The following CCNO variants were observed in gnomAD, a reference collection of about 807,000 sequenced individuals.
The protein encoded by CCNO is cyclin-O.
CCNO carries 24 observed loss-of-function variants against 23.9 expected under a neutral mutation model. That is an observed-to-expected ratio of 1.00 (90% CI 0.73 to 1.41). CCNO has a LOEUF of 1.41. CCNO is among the 40% of genes most tolerant of loss of function. CCNO has a pLI of 0.00. For synonymous variants in CCNO, 241 were observed against 225.7 expected (o/e 1.07, Z -0.61); for missense variants, 542 against 476.2 (o/e 1.14, Z -1.29).
chr5:55,232,978 A>C (rs1343457117), intron 1 of CCNO, 165 bp downstream of exon 1: 2 of 716,764 alleles, frequency 2.8e-6, no homozygotes, highest in Non-Finnish European at 4.5e-6. Context: ...TCCATCTGTA[A>C]AATGAGGCCG....
rs1745647423 is a variant in CCNO at position 55,233,196 on chromosome 5, T to TG, written c.327dup (p.Lys110GlnfsTer26). 6.4e-7 allele frequency: 1 copy of TG among 1,556,222 alleles called. No individual in the cohort carries two copies. The highest frequency in any genetic ancestry group is 8.7e-7 in the Non-Finnish European group (1 of 1,151,420). On this transcript the variant is annotated frameshift_variant, in exon 1 of 3. Transcript: ENST00000282572. LOFTEE classifies it high-confidence loss of function. The stretch of plus-strand genomic sequence containing the variant: ...GGGTGGAAGTGGCTCTCCTGCGCCT[T>TG]GCGGAAGGCGTAGCAGCTCTGGCCG...
At position 55,231,488 on chromosome 5, in the gene CCNO, C is replaced by T. The variant is rs114088695; in HGVS notation, c.940G>A (p.Glu314Lys). The T allele has an allele frequency of 6.2e-4, 1,007 of 1,614,034 alleles. 9 individuals carry two copies. In the African/African-American group the frequency reaches 0.012, roughly 19 times the overall value. The part of the protein sequence containing the change: ...RLGDHPEAAL[E>K]DCMGKLQLLV... Reference sequence around the variant, plus strand: ...AGCTGCAACTTGCCCATACAGTCCTCCAGCGCCGCCTCCGGGTGGTCTCCC... The same window carrying T: ...AGCTGCAACTTGCCCATACAGTCCTTCAGCGCCGCCTCCGGGTGGTCTCCC... Residue 314 changes from glutamate to lysine, a missense_variant, in exon 3 of 3, where the codon GAG becomes AAG. Glu to Lys is a moderately conservative substitution (Grantham distance 56, BLOSUM62 1). Transcript: ENST00000282572.
In CCNO at chr5:55,233,534, G is replaced by C. The variant is rs763376831; in HGVS notation, c.-11C>G. 1.1e-5 allele frequency: 17 copies of C among 1,538,196 alleles called. No individual in the cohort carries two copies. Among genetic ancestry groups the C allele is most frequent in the South Asian group, 2.4e-5 (2 of 83,176 alleles). ...ACAGGGGGTCACCATGATGCGGCCG[G>C]GTGGCCGCTTTACTACCTTCAACGC... On this transcript the variant is annotated 5_prime_UTR_variant, in exon 1 of 3. Coordinates refer to ENST00000282572, the MANE Select transcript of CCNO (RefSeq NM_021147.5).
Position 55,233,528 on chromosome 5 carries a change from C to T in CCNO, c.-5G>A. 1.3e-6 allele frequency: 2 copies of T among 1,545,156 alleles called. No homozygotes were observed. On this transcript the variant is annotated 5_prime_UTR_variant, in exon 1 of 3. Coordinates refer to ENST00000282572, the MANE Select transcript of CCNO (RefSeq NM_021147.5). ...GGTGGGACAGGGGGTCACCATGATG[C>T]GGCCGGGTGGCCGCTTTACTACCTT...
chr5:55,231,582 GAGGGA>G lies in CCNO; in HGVS notation c.841_845del (p.Ser281ProfsTer88). The G allele has an allele frequency of 6.2e-7, 1 of 1,613,432 alleles. No individual in the cohort carries two copies. The highest frequency in any genetic ancestry group is 2.2e-5 in the East Asian group (1 of 44,882). ...CCAGCGCCAGGCAGCAGATCGCCAGGAGGGAAGGGGAGTAGCTGGTGAAGGCATAG... is the reference window on the plus strand; with the variant it reads ...CCAGCGCCAGGCAGCAGATCGCCAGGAGGGGAGTAGCTGGTGAAGGCATAG... On this transcript the variant is annotated frameshift_variant, in exon 3 of 3. Transcript: ENST00000282572. LOFTEE classifies it high-confidence loss of function.
Position 55,233,515 on chromosome 5 carries a change from G to C in CCNO, c.9C>G (p.Thr3=). MV[T]PCPTSPSSPA... is the part of the protein sequence containing the mutation. Reference sequence around the variant, plus strand: ...GGCTCGAGGGGCTGGTGGGACAGGGGGTCACCATGATGCGGCCGGGTGGCC... The same window carrying C: ...GGCTCGAGGGGCTGGTGGGACAGGGCGTCACCATGATGCGGCCGGGTGGCC... Residue 3 remains threonine (T), a synonymous_variant, in exon 1 of 3, where the codon ACC becomes ACG. Transcript: ENST00000282572. 4 of 1,572,002 alleles carry C rather than the reference G, an allele frequency of 2.5e-6. No individual in the cohort carries two copies. The highest frequency in any genetic ancestry group is 3.4e-6 in the Non-Finnish European group (4 of 1,160,042).
At chr5:55,232,778 G>C in intron 1 of CCNO, 1 of 595,892 alleles carries the variant, frequency 1.7e-6, no homozygotes, top group East Asian at 2.8e-5. Flanking sequence ...TCGCGTAATG[G>C]GCTCAGCAAT....
chr5:55,231,787 C>G lies in CCNO; in HGVS notation c.641G>C (p.Cys214Ser). ...CCGAFSRQQLCNLECIVLHKL... is the reference protein window; with the variant it reads ...CCGAFSRQQLSNLECIVLHKL... ...GTGCAGCACGATGCACTCGAGGTTG[C>G]AGAGCTGCTGCCGGGAGAAGGCGCC... Residue 214 changes from cysteine (C) to serine (S), a missense_variant, in exon 3 of 3, where the codon TGC (cysteine) becomes TCC (serine). By Grantham distance (112) the Cys-to-Ser change is moderately radical (BLOSUM62 -1). Coordinates refer to ENST00000282572, the MANE Select transcript of CCNO (RefSeq NM_021147.5). 1 of 1,560,850 alleles carries G rather than the reference C, an allele frequency of 6.4e-7. No homozygotes were observed. Among genetic ancestry groups the G allele is most frequent in the Non-Finnish European group, 8.7e-7 (1 of 1,153,214 alleles).
chr5:55,232,563 G>A lies in CCNO; in HGVS notation c.382-17C>T, dbSNP rs1481361318. 3.7e-6 allele frequency: 6 copies of A among 1,612,920 alleles called. No individual in the cohort carries two copies. The highest frequency in any genetic ancestry group is 4.2e-6 in the Non-Finnish European group (5 of 1,179,728). ...CGCCGTCACCTGCCGGGAAGGAGGG[G>A]GGAGGCGGGCCCGCTGGGCTTAGGG... On this transcript the variant is annotated splice_polypyrimidine_tract_variant and intron_variant, in intron 1 of 2. Coordinates refer to ENST00000282572, the MANE Select transcript of CCNO (RefSeq NM_021147.5).
chr5:55,233,073 G>C (rs919900400), intron 1 of CCNO, 70 bp downstream of exon 1: 2 of 1,471,316 alleles, frequency 1.4e-6, no homozygotes, highest in Non-Finnish European at 1.8e-6. Flanking sequence ...GGGCCGAGCC[G>C]GCAGGAGAGG....
In CCNO at chr5:55,233,530, G is replaced by T. The variant is rs1398595026; in HGVS notation, c.-7C>A. 3.2e-6 allele frequency: 5 copies of T among 1,540,492 alleles called. No individual in the cohort carries two copies. The highest frequency in any genetic ancestry group is 4.4e-6 in the Non-Finnish European group (5 of 1,147,760). ...TGGGACAGGGGGTCACCATGATGCG[G>T]CCGGGTGGCCGCTTTACTACCTTCA... On this transcript the variant is annotated 5_prime_UTR_variant, in exon 1 of 3. Coordinates refer to ENST00000282572, the MANE Select transcript of CCNO (RefSeq NM_021147.5).
At chr5:55,232,836 A>G (rs1745632664) in intron 1 of CCNO, 3 of 589,340 alleles carry the variant, frequency 5.1e-6, no homozygotes, top group Admixed American at 3.0e-5. Context: ...AAAGAAGCTC[A>G]GGGGTGTTAA....
chr5:55,232,274 C>A, intron 2 of CCNO, 87 bp downstream of exon 2: 1 of 1,243,234 alleles, frequency 8.0e-7, no homozygotes, highest in Non-Finnish European at 1.2e-6. Context: ...GAATCGTGCG[C>A]GCTGGAAAGA....
At position 55,233,202 on chromosome 5, in the gene CCNO, A is replaced by C; in HGVS notation, c.322T>G (p.Phe108Val). 1.3e-6 allele frequency: 2 copies of C among 1,560,396 alleles called. No homozygotes were observed. Among genetic ancestry groups the C allele is most frequent in the Non-Finnish European group, 1.7e-6 (2 of 1,153,884 alleles). ...FRDYGQSCYAFRKAQESHFHP... is the reference protein window; with the variant it reads ...FRDYGQSCYAVRKAQESHFHP... The stretch of plus-strand genomic sequence containing the variant: ...AAGTGGCTCTCCTGCGCCTTGCGGA[A>C]GGCGTAGCAGCTCTGGCCGTAGTCG... The change falls in exon 1 of 3, where the codon TTC (phenylalanine) becomes GTC (valine). Residue 108 changes from phenylalanine to valine, a missense_variant. By Grantham distance (50) the Phe-to-Val change is conservative. Transcript: ENST00000282572.
Position 55,231,497 on chromosome 5 carries a change from C to T in CCNO, c.931G>A (p.Ala311Thr). The T allele has an allele frequency of 1.2e-6, 2 of 1,613,936 alleles. No homozygotes were observed. The highest frequency in any genetic ancestry group is 4.5e-5 in the East Asian group (2 of 44,882). The change falls in exon 3 of 3, where the codon GCG (alanine) becomes ACG (threonine). Residue 311 changes from alanine to threonine, a missense_variant. Ala to Thr is a moderately conservative substitution (Grantham distance 58, BLOSUM62 0). Transcript: ENST00000282572. ...TTGCCCATACAGTCCTCCAGCGCCG[C>T]CTCCGGGTGGTCTCCCAGTCGCAAG... is the stretch of plus-strand genomic sequence containing the variant. ...VDLRLGDHPEAALEDCMGKLQ... is the reference protein window; with the variant it reads ...VDLRLGDHPETALEDCMGKLQ...
At position 55,231,597 on chromosome 5, in the gene CCNO, G is replaced by A; in HGVS notation, c.831C>T (p.Ser277=). ...ELSLADYAFT[S]YSPSLLAICC... ...AGATCGCCAGGAGGGAAGGGGAGTAGCTGGTGAAGGCATAGTCGGCCAGAC... is the reference window on the plus strand; with the variant it reads ...AGATCGCCAGGAGGGAAGGGGAGTAACTGGTGAAGGCATAGTCGGCCAGAC... Residue 277 remains serine (S), a synonymous_variant, in exon 3 of 3, where the codon AGC becomes AGT. Transcript: ENST00000282572. 1 of 1,613,078 alleles carries A rather than the reference G, an allele frequency of 6.2e-7. No homozygotes were observed. Among genetic ancestry groups the A allele is most frequent in the Non-Finnish European group, 8.5e-7 (1 of 1,179,820 alleles).
chr5:55,233,154 G>T lies in CCNO; in HGVS notation c.370C>A (p.Arg124=). 6.5e-7 allele frequency: 1 copy of T among 1,543,944 alleles called. No homozygotes were observed. The stretch of plus-strand genomic sequence containing the variant: ...TACCAGCACCTCACTTGTGGCTGCC[G>T]TGCCAGCGCCTCCCGCGGGTGGAAG... ...SHFHPREALA[R]QPQVTAESRC... The change falls in exon 1 of 3, where the codon CGG becomes AGG. Residue 124 remains arginine (R), a synonymous_variant. Transcript: ENST00000282572.
At position 55,233,556 on chromosome 5, in the gene CCNO, A is replaced by G. The variant is rs1745669827; in HGVS notation, c.-33T>C. 1.3e-6 allele frequency: 2 copies of G among 1,492,466 alleles called. No individual in the cohort carries two copies. The highest frequency in any genetic ancestry group is 2.4e-5 in the East Asian group (1 of 42,550). 92.5% of individuals were successfully genotyped at this position (1,492,466 alleles called of 1,614,324 possible). On this transcript the variant is annotated 5_prime_UTR_variant, in exon 1 of 3. Transcript: ENST00000282572. ...CCGGGTGGCCGCTTTACTACCTTCA[A>G]CGCCCGGGCTGCGGCGGGCAGCAAA... is the stretch of plus-strand genomic sequence containing the variant.
rs778793803 is a variant in CCNO at position 55,233,573 on chromosome 5, G to A, written c.-50C>T. The A allele has an allele frequency of 6.8e-6, 10 of 1,462,954 alleles. No individual in the cohort carries two copies. Among genetic ancestry groups the A allele is most frequent in the Admixed American group, 2.6e-5 (1 of 39,000 alleles). 90.6% of individuals were successfully genotyped at this position (1,462,954 alleles called of 1,614,324 possible). A position where few individuals can be genotyped will look rare whatever the true frequency, so the allele number is the denominator to read the frequency against. ...TACCTTCAACGCCCGGGCTGCGGCG[G>A]GCAGCAAACGCGCACTCGAAAGTGC... On this transcript the variant is annotated 5_prime_UTR_variant, in exon 1 of 3. Transcript: ENST00000282572.
Sources: allele counts gnomAD v4.1 joint callset, GRCh38; gene constraint gnomAD v4.1.1; transcripts MANE v1.5; gene names NCBI Gene and HGNC (gene_info 2026-07-23, HGNC 2026-07-21).